The following SCAF8 variants were observed in gnomAD, a reference collection of about 807,000 sequenced individuals.
The protein encoded by SCAF8 is SR-related and CTD-associated factor 8.
SCAF8 carries 23 observed loss-of-function variants against 140.5 expected under a neutral mutation model. That is an observed-to-expected ratio of 0.16 (90% CI 0.12 to 0.23). The LOEUF is 0.23. SCAF8 is among the 10% of genes least tolerant of loss of function. The pLI is 1.00. For synonymous variants in SCAF8, 575 were observed against 528.9 expected (o/e 1.09, Z -1.20); for missense variants, 1,397 against 1,555.7 (o/e 0.90, Z 1.72).
At position 154,805,359 on chromosome 6, in the gene SCAF8, T is replaced by G. The variant is rs1777883245; in HGVS notation, c.864-10T>G. ...TTTTAAAATATGTTTCCACCTGTTT[T>G]TCCTTTTAGTTCTCACGTTTCAGAA... On this transcript the variant is annotated splice_polypyrimidine_tract_variant and intron_variant, in intron 8 of 19. Transcript: ENST00000367178. The G allele has an allele frequency of 4.6e-6, 7 of 1,521,400 alleles. No individual in the cohort carries two copies. The highest frequency in any genetic ancestry group is 6.4e-6 in the Non-Finnish European group (7 of 1,098,664). 94.2% of individuals were successfully genotyped at this position (1,521,400 alleles called of 1,614,324 possible). A position where few individuals can be genotyped will look rare whatever the true frequency, so the allele number is the denominator to read the frequency against.
intron 19 of SCAF8, among the ~76,000 whole-genome samples, chr6:154,831,496 C>T (rs1201247675): frequency 6.6e-6 from 1 of 151,852 alleles, no homozygotes; most frequent in East Asian, 1.9e-4. Context: ...CGGGAACTTA[C>T]TTCTAATAGG....
chr6:154,822,369 C>G lies in SCAF8; in HGVS notation c.1886C>G (p.Thr629Ser), dbSNP rs1296402988. The change falls in exon 16 of 20, where the codon ACC becomes AGC. Residue 629 changes from threonine to serine, a missense_variant. Thr to Ser is a moderately conservative substitution (Grantham distance 58). Transcript: ENST00000367178. ...GTTGAAAAGGAGACAGTGGTCACAACCCAGGCAGAGGTTTTCCCTCCTCCT... is the reference window on the plus strand; with the variant it reads ...GTTGAAAAGGAGACAGTGGTCACAAGCCAGGCAGAGGTTTTCCCTCCTCCT... ...TPVEKETVVT[T>S]QAEVFPPPVA... 1 of 1,613,600 alleles carries G rather than the reference C, an allele frequency of 6.2e-7. No homozygotes were observed. The highest frequency in any genetic ancestry group is 8.5e-7 in the Non-Finnish European group (1 of 1,179,714).
chr6:154,794,901 A>T, intron 5 of SCAF8, 108 bp from the exon 6 acceptor site: 3 of 994,566 alleles, frequency 3.0e-6, no homozygotes, highest in South Asian at 3.4e-5. Context: ...TAAAAACAAT[A>T]TGCGTGCATG....
At chr6:154,814,819 G>T (rs1778199447) in intron 12 of SCAF8, among the ~76,000 whole-genome samples, 2 of 152,176 alleles carry the variant, frequency 1.3e-5, no homozygotes, top group African/African-American at 4.8e-5. Flanking sequence ...TTGTTAAGGG[G>T]ATGTGGCTTT....
intron 1 of SCAF8, among the ~76,000 whole-genome samples, chr6:154,770,030 G>A (rs1776691284): frequency 6.6e-6 from 1 of 152,022 alleles, no homozygotes; most frequent in Admixed American, 6.6e-5. Flanking sequence ...TGAGAAGACG[G>A]GCATACCGGT....
chr6:154,771,439 A>G (rs910203092), intron 1 of SCAF8, among the ~76,000 whole-genome samples: 1 of 152,184 alleles, frequency 6.6e-6, no homozygotes, highest in Admixed American at 6.5e-5. Flanking sequence ...GGCTGGGACA[A>G]TAGTGTAAGA....
At chr6:154,777,307 G>A (rs141107037) in intron 2 of SCAF8, among the ~76,000 whole-genome samples, 440 of 152,094 alleles carry the variant, frequency 2.9e-3, no homozygotes, top group African/African-American at 9.8e-3. Context: ...TATACTATAC[G>A]CTAAATTTAT....
chr6:154,804,134 A>G (rs1434693725), intron 8 of SCAF8, among the ~76,000 whole-genome samples: 1 of 151,882 alleles, frequency 6.6e-6, no homozygotes, highest in Non-Finnish European at 1.5e-5. Context: ...CTGTGAGGGT[A>G]TGTGAATGGA....
chr6:154,822,211 A>G (rs1418328898), intron 15 of SCAF8, 65 bp from the exon 16 acceptor site: 15 of 1,512,596 alleles, frequency 9.9e-6, no homozygotes, highest in East Asian at 2.3e-5. Context: ...AAATAAATGA[A>G]TACAAAGAAG....
At chr6:154,741,968 ACTC>A (rs1459674137) in intron 1 of SCAF8, 4 of 1,532,874 alleles carry the variant, frequency 2.6e-6, no homozygotes, top group African/African-American at 2.7e-5. Flanking sequence ...TTGTGCCTCT[ACTC>A]CTGCTTGTAC....
chr6:154,780,612 A>C (rs1355819892), intron 3 of SCAF8, among the ~76,000 whole-genome samples: 1 of 151,640 alleles, frequency 6.6e-6, no homozygotes, highest in Non-Finnish European at 1.5e-5. Context: ...TACGAGTGAG[A>C]ACATGGGATC....
intron 7 of SCAF8, among the ~76,000 whole-genome samples, chr6:154,802,471 A>T (rs1777798959): frequency 6.6e-6 from 1 of 151,968 alleles, no homozygotes; most frequent in African/African-American, 2.4e-5. Flanking sequence ...AAAATACAAA[A>T]ATTAGCCAGA....
chr6:154,782,703 G>A (rs184869713), intron 3 of SCAF8, among the ~76,000 whole-genome samples: 1 of 152,230 alleles, frequency 6.6e-6, no homozygotes, highest in African/African-American at 2.4e-5. Context: ...GTGCAAGGAC[G>A]GCCAGTCTGA....
chr6:154,831,364 C>T (rs1017982005), intron 19 of SCAF8, among the ~76,000 whole-genome samples: 1 of 152,014 alleles, frequency 6.6e-6, no homozygotes, highest in African/African-American at 2.4e-5. Context: ...CCTCACACCA[C>T]CACCCCCTTT....
At chr6:154,806,184 C>A (rs542517944) in intron 9 of SCAF8, among the ~76,000 whole-genome samples, 1 of 152,238 alleles carries the variant, frequency 6.6e-6, no homozygotes, top group South Asian at 2.1e-4. Flanking sequence ...TGTAAGGATC[C>A]TTTAAGTTCA....
intron 1 of SCAF8, among the ~76,000 whole-genome samples, chr6:154,740,688 A>G (rs1394035909): frequency 6.7e-6 from 1 of 150,326 alleles, no homozygotes; most frequent in East Asian, 2.0e-4. Context: ...GGTGCCATCA[A>G]GGGCTCACTG....
chr6:154,816,725 C>T (rs1364485149), intron 13 of SCAF8, among the ~76,000 whole-genome samples: 1 of 152,126 alleles, frequency 6.6e-6, no homozygotes, highest in Non-Finnish European at 1.5e-5. Flanking sequence ...GTTTTCCTTT[C>T]TAGTCTTAGT....
intron 1 of SCAF8, among the ~76,000 whole-genome samples, chr6:154,740,273 C>G (rs1031605962): frequency 1.3e-5 from 2 of 152,120 alleles, no homozygotes; most frequent in African/African-American, 4.8e-5. Flanking sequence ...CCTATGCATT[C>G]CAGGATGTTT....
intron 3 of SCAF8, among the ~76,000 whole-genome samples, chr6:154,778,713 G>A (rs1776987140): frequency 6.6e-6 from 1 of 151,928 alleles, no homozygotes; most frequent in Non-Finnish European, 1.5e-5. Context: ...GTAGTGAGCT[G>A]AGATCACACC....
Sources: allele counts gnomAD v4.1 joint callset (sites outside exome capture counted in the v4.1 genomes callset), GRCh38; gene constraint gnomAD v4.1.1; transcripts MANE v1.5; gene names NCBI Gene and HGNC (gene_info 2026-07-23, HGNC 2026-07-21).